The following ASXL3 variants were observed in gnomAD, a reference collection of about 807,000 sequenced individuals.
ASXL3 encodes ASXL transcriptional regulator 3.
In ASXL3, 34 loss-of-function variants were observed where a neutral mutation model predicts 170.6. The ratio of observed to expected loss-of-function variants is 0.20; its 90% CI spans 0.15 to 0.27. ASXL3 has a LOEUF of 0.27. ASXL3 is among the 10% of genes least tolerant of loss of function. The pLI is 1.00. For synonymous variants in ASXL3, 1,002 were observed against 989.1 expected (o/e 1.01, Z -0.24); for missense variants, 2,592 against 2,695.3 (o/e 0.96, Z 0.85).
chr18:33,746,437 G>C lies in ASXL3; in HGVS notation c.6589G>C (p.Val2197Leu). Reference protein sequence around the residue: ...GLSGQNAQMPVQNFADSSNAD... With the variant: ...GLSGQNAQMPLQNFADSSNAD... ...GTCTGGTCAGAACGCTCAGATGCCC[G>C]TTCAGAACTTTGCCGACAGCAGCAA... Residue 2197 changes from valine (V) to leucine (L), a missense_variant, in exon 12 of 12, where the codon GTT becomes CTT. By Grantham distance (32) the Val-to-Leu change is conservative (BLOSUM62 1). Transcript: ENST00000269197. The C allele has an allele frequency of 1.2e-6, 2 of 1,614,012 alleles. No homozygotes were observed. The highest frequency in any genetic ancestry group is 1.7e-6 in the Non-Finnish European group (2 of 1,179,874).
chr18:33,661,952 A>G (rs1011037423), intron 5 of ASXL3, among the ~76,000 whole-genome samples: 10 of 152,154 alleles, frequency 6.6e-5, no homozygotes, highest in African/African-American at 2.2e-4. Context: ...TAGAAGAAGG[A>G]ATATGCACCC....
At chr18:33,581,026 G>A (rs1429582075) in intron 1 of ASXL3, among the ~76,000 whole-genome samples, 1 of 152,030 alleles carries the variant, frequency 6.6e-6, no homozygotes, top group Non-Finnish European at 1.5e-5. Context: ...GATCCATTTG[G>A]TTAACGGTGA....
intron 2 of ASXL3, among the ~76,000 whole-genome samples, chr18:33,635,664 C>T (rs1387265947): frequency 1.3e-5 from 2 of 152,128 alleles, no homozygotes; most frequent in African/African-American, 2.4e-5. Context: ...CCTATTTTAT[C>T]GATGCATACA....
intron 4 of ASXL3, among the ~76,000 whole-genome samples, chr18:33,659,189 T>C (rs1218814210): frequency 6.6e-6 from 1 of 152,044 alleles, no homozygotes; most frequent in African/African-American, 2.4e-5. Flanking sequence ...AGGCCTCAAT[T>C]ACATGTACAC....
intron 4 of ASXL3, among the ~76,000 whole-genome samples, chr18:33,656,875 T>C (rs1349673602): frequency 1.3e-5 from 2 of 152,178 alleles, no homozygotes; most frequent in South Asian, 2.1e-4. Context: ...ACCTCCACTT[T>C]CATGAATTCT....
intron 2 of ASXL3, among the ~76,000 whole-genome samples, chr18:33,620,603 C>T (rs1169466904): frequency 1.3e-5 from 2 of 152,014 alleles, no homozygotes; most frequent in Non-Finnish European, 2.9e-5. Context: ...TTTCAATTCC[C>T]TTCTTTTTTA....
Position 33,606,777 on chromosome 18 carries a change from A to G in ASXL3, c.55-817A>G, listed in dbSNP as rs74566208. ...TCTTGTACCCAGATGTGGTCCCTGTAGTTCATGTTGGTGCACAATAGGGGC... is the reference window on the plus strand; with the variant it reads ...TCTTGTACCCAGATGTGGTCCCTGTGGTTCATGTTGGTGCACAATAGGGGC... On this transcript the variant is annotated intron_variant, in intron 1 of 11. Coordinates refer to ENST00000269197, the MANE Select transcript of ASXL3 (RefSeq NM_030632.3). Among the ~76,000 whole-genome samples the G allele has an allele frequency of 2.3e-3, 352 of 152,038 alleles. 9 individuals are homozygous for G. In the East Asian group the frequency reaches 0.054, roughly 23 times the overall value.
chr18:33,745,078 G>A lies in ASXL3; in HGVS notation c.5230G>A (p.Glu1744Lys). 6.2e-7 allele frequency: 1 copy of A among 1,614,000 alleles called. No homozygotes were observed. The change falls in exon 12 of 12, where the codon GAG (glutamate) becomes AAG (lysine). Residue 1744 changes from glutamate to lysine, a missense_variant. Glu to Lys is a moderately conservative substitution (Grantham distance 56). Transcript: ENST00000269197. ...CTCAGGCTGTCGTCTGTCCTCTGTGGAGGCTAACAATCCGCTGGTGACGCA... is the reference window on the plus strand; with the variant it reads ...CTCAGGCTGTCGTCTGTCCTCTGTGAAGGCTAACAATCCGCTGGTGACGCA... ...GSSGCRLSSV[E>K]ANNPLVTQLL...
At chr18:33,697,066 A>T (rs2066785198) in intron 8 of ASXL3, among the ~76,000 whole-genome samples, 1 of 152,072 alleles carries the variant, frequency 6.6e-6, no homozygotes, top group South Asian at 2.1e-4. Context: ...TACTGACCTC[A>T]CCCTCTTAGA....
At chr18:33,710,335 T>A (rs2067035720) in intron 8 of ASXL3, among the ~76,000 whole-genome samples, 1 of 152,200 alleles carries the variant, frequency 6.6e-6, no homozygotes, top group African/African-American at 2.4e-5. Flanking sequence ...TTGTACCTTG[T>A]ATCTTTGGCA....
At chr18:33,693,891 G>A (rs74805315) in intron 8 of ASXL3, among the ~76,000 whole-genome samples, 5,382 of 152,182 alleles carry the variant, frequency 0.035, 314 homozygotes, top group African/African-American at 0.12. Flanking sequence ...GGTTCAGGCA[G>A]CATAGGAAGG....
chr18:33,656,046 GA>G (rs2066079610), intron 4 of ASXL3, among the ~76,000 whole-genome samples: 1 of 151,898 alleles, frequency 6.6e-6, no homozygotes, highest in African/African-American at 2.4e-5. Flanking sequence ...TGGCATGAGG[GA>G]AAGTACTCAA....
chr18:33,646,043 C>CA lies in ASXL3; in HGVS notation c.247-192dup, dbSNP rs561318920. On this transcript the variant is annotated intron_variant, in intron 3 of 11. Coordinates refer to ENST00000269197, the MANE Select transcript of ASXL3 (RefSeq NM_030632.3). ...TGGGTATAGATTTTAAAAATTTATC[C>CA]AAAAAAAAAATCAACAGTAGCAATG... Among the ~76,000 whole-genome samples, 896 of 135,312 alleles carry CA rather than the reference C, an allele frequency of 6.6e-3. 4 individuals carry two copies. Among genetic ancestry groups the CA allele is most frequent in the African/African-American group, 7.7e-3 (286 of 37,132 alleles). The allele number at this position is 135,312 out of a possible 152,430, so 88.8% of individuals were successfully genotyped here. A position where few individuals can be genotyped will look rare whatever the true frequency, so the allele number is the denominator to read the frequency against.
intron 8 of ASXL3, among the ~76,000 whole-genome samples, chr18:33,720,079 T>C (rs2067233771): frequency 6.6e-6 from 1 of 151,994 alleles, no homozygotes; most frequent in South Asian, 2.1e-4. Flanking sequence ...GGCATAGATA[T>C]TACCAGGCTA....
intron 4 of ASXL3, among the ~76,000 whole-genome samples, chr18:33,660,041 C>T (rs950506357): frequency 2.6e-5 from 4 of 152,040 alleles, no homozygotes; most frequent in African/African-American, 4.8e-5. Context: ...CAGATCTTGA[C>T]TTTTGAAACC....
At chr18:33,632,817 CTT>C (rs1343072479) in intron 2 of ASXL3, among the ~76,000 whole-genome samples, 2 of 152,178 alleles carry the variant, frequency 1.3e-5, no homozygotes, top group Non-Finnish European at 2.9e-5. Flanking sequence ...TGAAATCTAT[CTT>C]TGTGCTAATA....
At chr18:33,590,871 A>C (rs985044318) in intron 1 of ASXL3, among the ~76,000 whole-genome samples, 2 of 152,208 alleles carry the variant, frequency 1.3e-5, no homozygotes, top group African/African-American at 4.8e-5. Flanking sequence ...TTAGGATCCA[A>C]GTACTATTTA....
At chr18:33,734,580 G>A (rs2067513580) in intron 10 of ASXL3, among the ~76,000 whole-genome samples, 165 bp downstream of exon 10, 1 of 152,074 alleles carries the variant, frequency 6.6e-6, no homozygotes, top group Non-Finnish European at 1.5e-5. Flanking sequence ...TGGGATATCA[G>A]CACTCAAATT....
rs774221607 is a variant in ASXL3 at position 33,740,124 on chromosome 18, A to G, written c.2720A>G (p.Tyr907Cys). The change falls in exon 11 of 12, where the codon TAT (tyrosine) becomes TGT (cysteine). Residue 907 changes from tyrosine to cysteine, a missense_variant. By Grantham distance (194) the Tyr-to-Cys change is radical. Around this residue, in one of 4 missense-constraint regions of ASXL3, gnomAD observed 2,246 missense variants for 2,219.6 expected, o/e 1.01. Coordinates refer to ENST00000269197, the MANE Select transcript of ASXL3 (RefSeq NM_030632.3). ...TCTGCTAAATTACAGGACAAGCAAT[A>G]TATCTCATCAGTGGATAAGGCTCCA... ...LPSAKLQDKQYISSVDKAPFS... is the reference protein window; with the variant it reads ...LPSAKLQDKQCISSVDKAPFS... The G allele has an allele frequency of 2.0e-5, 33 of 1,613,814 alleles. No individual in the cohort carries two copies. The highest frequency in any genetic ancestry group is 5.0e-5 in the Admixed American group (3 of 60,004).
Sources: allele counts gnomAD v4.1 joint callset (sites outside exome capture counted in the v4.1 genomes callset), GRCh38; gene constraint gnomAD v4.1.1; regional missense constraint gnomAD v4.1.1; transcripts MANE v1.5; gene names NCBI Gene and HGNC (gene_info 2026-07-23, HGNC 2026-07-21).